ADAR: variants seen among roughly 807,000 people sequenced by gnomAD.
ADAR encodes adenosine deaminase RNA specific, also known as double-stranded RNA-specific adenosine deaminase.
Under a neutral mutation model 113.2 loss-of-function variants are expected in ADAR, and 41 were observed. That is an observed-to-expected ratio of 0.36 (90% CI 0.28 to 0.47). ADAR has a LOEUF of 0.47. Ranked by LOEUF, ADAR falls within the 20% of genes least tolerant of loss-of-function variation. ADAR has a pLI of 1.00. For missense variants in ADAR, 1,242 were observed against 1,540.9 expected (o/e 0.81, Z 3.25); for synonymous variants, 605 against 572.6 (o/e 1.06, Z -0.81).
In ADAR at chr1:154,586,257, G is replaced by T. The variant is rs770032204; in HGVS notation, c.3126C>A (p.Arg1042=). The T allele has an allele frequency of 1.9e-6, 3 of 1,614,230 alleles. No homozygotes were observed. Among genetic ancestry groups the T allele is most frequent in the Admixed American group, 1.7e-5 (1 of 60,026 alleles). The part of the protein sequence containing the change: ...RTMSCSDKIL[R]WNVLGLQGAL... The stretch of plus-strand genomic sequence containing the variant: ...CCCCTTGCAGGCCCAGCACGTTCCA[G>T]CGTAGGATTTTGTCACTACAGGACA... The change falls in exon 12 of 15, where the codon CGC becomes CGA. Residue 1042 remains arginine (R), a synonymous_variant. Coordinates refer to ENST00000368474, the MANE Select transcript of ADAR (RefSeq NM_001111.5).
At position 154,602,477 on chromosome 1, in the gene ADAR, C is replaced by G; in HGVS notation, c.165G>C (p.Pro55=). 2 of 1,614,050 alleles carry G rather than the reference C, an allele frequency of 1.2e-6. No homozygotes were observed. The highest frequency in any genetic ancestry group is 1.7e-6 in the Non-Finnish European group (2 of 1,179,948). ...EFLKGQLPEA[P]VIGKQTPSLP... ...GTGACGGTGTCTGCTTTCCAATCAC[C>G]GGTGCTTCTGGGAGCTGCCCCTTGA... The change falls in exon 2 of 15, where the codon CCG becomes CCC. Residue 55 remains proline (P), a synonymous_variant. Coordinates refer to ENST00000368474, the MANE Select transcript of ADAR (RefSeq NM_001111.5).
At chr1:154,620,968 C>T (rs1004310038) in intron 1 of ADAR, among the ~76,000 whole-genome samples, 3 of 152,190 alleles carry the variant, frequency 2.0e-5, no homozygotes, top group African/African-American at 4.8e-5. Context: ...TTGCCAAGCA[C>T]GAGTGCCTCT....
At chr1:154,627,829 T>C (rs745672926) in intron 1 of ADAR, 1 of 516,938 alleles carries the variant, frequency 1.9e-6, no homozygotes, top group Non-Finnish European at 3.8e-6. Context: ...CAGGCAGGTG[T>C]AGCCGAGAAG....
At chr1:154,589,590 T>C in intron 8 of ADAR, 128 bp from the exon 9 acceptor site, 1 of 1,187,068 alleles carries the variant, frequency 8.4e-7, no homozygotes, top group Non-Finnish European at 1.2e-6. Flanking sequence ...GACTCCCATA[T>C]TCTCTCCTCT....
rs886082285 is a variant in ADAR at position 154,588,641 on chromosome 1, G to C, written c.2795C>G (p.Ser932Cys). The change falls in exon 10 of 15, where the codon TCC (serine) becomes TGC (cysteine). Residue 932 changes from serine to cysteine, a missense_variant. Ser to Cys is a moderately radical substitution (Grantham distance 112). Transcript: ENST00000368474. ...FLYSELMKYN[S>C]QTAKDSIFEP... ...AAATATACTATCCTTCGCAGTCTGG[G>C]AGTTGTATTTCATTAACTCACTGTA... 2 of 1,614,162 alleles carry C rather than the reference G, an allele frequency of 1.2e-6. No individual in the cohort carries two copies. The highest frequency in any genetic ancestry group is 3.3e-4 in the Middle Eastern group (2 of 6,062).
chr1:154,590,385 C>T lies in ADAR; in HGVS notation c.2295G>A (p.Gly765=). The T allele has an allele frequency of 6.2e-7, 1 of 1,614,054 alleles. No individual in the cohort carries two copies. Among genetic ancestry groups the T allele is most frequent in the Non-Finnish European group, 8.5e-7 (1 of 1,180,012 alleles). Residue 765 remains glycine, a synonymous_variant, in exon 7 of 15, where the codon GGG becomes GGA. Coordinates refer to ENST00000368474, the MANE Select transcript of ADAR (RefSeq NM_001111.5). The part of the protein sequence containing the change: ...EPKFVYQAKV[G]GRWFPAVCAH... ...CGCAGACGGCTGGGAACCAGCGACC[C>T]CCAACTTTTGCTTGGTAAACGAACC... is the stretch of plus-strand genomic sequence containing the variant.
chr1:154,600,597 C>CGA, intron 2 of ADAR: 1 of 225,548 alleles, frequency 4.4e-6, no homozygotes. Context: ...TCTCAGCTTC[C>CGA]TGAGTAGCTG....
In ADAR at chr1:154,586,334, C is replaced by T; in HGVS notation, c.3049G>A (p.Asp1017Asn). Reference sequence around the variant, plus strand: ...ATGCCATCCCACGTAGGCACAATGTCACTGGATTCCACAGGGATTGTGCCT... The same window carrying T: ...ATGCCATCCCACGTAGGCACAATGTTACTGGATTCCACAGGGATTGTGCCT... Reference protein sequence around the residue: ...GEGTIPVESSDIVPTWDGIRL... With the variant: ...GEGTIPVESSNIVPTWDGIRL... Residue 1017 changes from aspartate (D) to asparagine (N), a missense_variant, in exon 12 of 15, where the codon GAC becomes AAC. This residue lies in a region of ADAR where 780 missense variants were observed against 1,057.9 expected (regional missense o/e 0.74). Coordinates refer to ENST00000368474, the MANE Select transcript of ADAR (RefSeq NM_001111.5). 6.2e-7 allele frequency: 1 copy of T among 1,614,178 alleles called. No individual in the cohort carries two copies. The highest frequency in any genetic ancestry group is 1.1e-5 in the South Asian group (1 of 91,078).
In ADAR at chr1:154,584,455, GCA is replaced by G; in HGVS notation, c.*349_*350del. On this transcript the variant is annotated 3_prime_UTR_variant, in exon 15 of 15. Transcript: ENST00000368474. Reference sequence around the variant, plus strand: ...ATCAAGACCGCAAGAGGTCAGTGTAGCAAACACAAAGGGAAAGGAAATGGAAA... The same window carrying G: ...ATCAAGACCGCAAGAGGTCAGTGTAGAACACAAAGGGAAAGGAAATGGAAA... 1 of 282,176 alleles carries G rather than the reference GCA, an allele frequency of 3.5e-6. No individual in the cohort carries two copies. The highest frequency in any genetic ancestry group is 6.7e-6 in the Non-Finnish European group (1 of 148,442). 17.5% of individuals were successfully genotyped at this position (282,176 alleles called of 1,614,324 possible). A position where few individuals can be genotyped will look rare whatever the true frequency, so the allele number is the denominator to read the frequency against.
rs1571058184 is a variant in ADAR at position 154,588,142 on chromosome 1, C to T, written c.3002G>A (p.Arg1001His). 2.5e-6 allele frequency: 4 copies of T among 1,613,910 alleles called. No individual in the cohort carries two copies. The highest frequency in any genetic ancestry group is 3.4e-6 in the Non-Finnish European group (4 of 1,179,984). ...VFENPKQGKLRTKVENGEGTI... is the reference protein window; with the variant it reads ...VFENPKQGKLHTKVENGEGTI... ...TCACTCACCGTTCTCCACCTTGGTG[C>T]GGAGCTTTCCTTGTTTGGGATTCTC... is the stretch of plus-strand genomic sequence containing the variant. Residue 1001 changes from arginine (R) to histidine (H), a missense_variant, in exon 11 of 15, where the codon CGC (arginine) becomes CAC (histidine). Coordinates refer to ENST00000368474, the MANE Select transcript of ADAR (RefSeq NM_001111.5).
chr1:154,609,658 C>A (rs1698416476), upstream of ADAR, among the ~76,000 whole-genome samples: 1 of 152,152 alleles, frequency 6.6e-6, no homozygotes, highest in African/African-American at 2.4e-5. Flanking sequence ...GTTTCCTACT[C>A]CATGCTTCTC....
At chr1:154,619,769 G>A (rs186610534) in intron 1 of ADAR, among the ~76,000 whole-genome samples, 112 of 152,244 alleles carry the variant, frequency 7.4e-4, no homozygotes, top group Non-Finnish European at 1.4e-3. Context: ...CTACAGAATG[G>A]CTAAAATAAA....
intron 7 of ADAR, 49 bp downstream of exon 7, chr1:154,590,135 A>AGGG: frequency 7.5e-6 from 9 of 1,205,024 alleles, no homozygotes; most frequent in African/African-American, 1.7e-5. Context: ...CTTAGGAGTT[A>AGGG]GGAGGACCCC....
At chr1:154,593,525 T>C (rs2101604785) in intron 6 of ADAR, among the ~76,000 whole-genome samples, 1 of 152,306 alleles carries the variant, frequency 6.6e-6, no homozygotes, top group Non-Finnish European at 1.5e-5. Flanking sequence ...CTAGAAAGGA[T>C]TTCACAGAAG....
intron 11 of ADAR, among the ~76,000 whole-genome samples, chr1:154,587,436 T>C (rs1000456776): frequency 6.6e-6 from 1 of 152,204 alleles, no homozygotes; most frequent in Non-Finnish European, 1.5e-5. Flanking sequence ...TTGGCTCTTG[T>C]GAGTAATGCT....
chr1:154,588,342 A>G lies in ADAR; in HGVS notation c.2886-84T>C, dbSNP rs1371285701. ...CTCCAAAACAGTCAGATGTGACAGAAGCAAGGGATGTTTTCTAAGGCCTAC... is the reference window on the plus strand; with the variant it reads ...CTCCAAAACAGTCAGATGTGACAGAGGCAAGGGATGTTTTCTAAGGCCTAC... On this transcript the variant is annotated intron_variant, in intron 10 of 14. Transcript: ENST00000368474. 5.0e-6 allele frequency: 8 copies of G among 1,601,648 alleles called. No homozygotes were observed. The East Asian group carries it at 1.6e-4, about 31-fold the overall frequency.
intron 12 of ADAR, 155 bp downstream of exon 12, chr1:154,586,026 C>T: frequency 1.7e-6 from 2 of 1,209,794 alleles, no homozygotes; most frequent in Non-Finnish European, 2.4e-6. Context: ...CCAGGATCTT[C>T]CTACCACAGC....
intron 1 of ADAR, among the ~76,000 whole-genome samples, chr1:154,615,754 T>C (rs772795803): frequency 7.2e-5 from 11 of 152,198 alleles, no homozygotes; most frequent in South Asian, 2.1e-4. Context: ...CTTCTCATTA[T>C]TGTCCAACAG....
intron 11 of ADAR, among the ~76,000 whole-genome samples, 181 bp downstream of exon 11, chr1:154,587,944 C>T (rs372186013): frequency 2.8e-4 from 42 of 152,350 alleles, no homozygotes; most frequent in African/African-American, 9.9e-4. Flanking sequence ...CAAACTAACA[C>T]ATTCAAAATA....
Sources: allele counts gnomAD v4.1 joint callset (sites outside exome capture counted in the v4.1 genomes callset), GRCh38; gene constraint gnomAD v4.1.1; regional missense constraint gnomAD v4.1.1; transcripts MANE v1.5; gene names NCBI Gene and HGNC (gene_info 2026-07-23, HGNC 2026-07-21).